Variants in SETD1B observed in about 807,000 individuals in gnomAD.
SETD1B encodes the protein histone-lysine N-methyltransferase SETD1B.
In SETD1B, 7 loss-of-function variants were observed where a neutral mutation model predicts 148.0. That is an observed-to-expected ratio of 0.05 (90% CI 0.03 to 0.09). SETD1B has a LOEUF of 0.09. Among genes scored for constraint, SETD1B ranks in the 10% least tolerant of loss-of-function variants. The pLI is 1.00. For synonymous variants in SETD1B, 1,361 were observed against 1,186.5 expected (o/e 1.15, Z -3.02); for missense variants, 2,155 against 2,729.9 (o/e 0.79, Z 4.69).
rs1876341759 is a variant in SETD1B at position 121,817,388 on chromosome 12, A to T, written c.2996A>T (p.Asp999Val). Residue 999 changes from aspartate (D) to valine (V), a missense_variant, in exon 9 of 17, where the codon GAC (aspartate) becomes GTC (valine). Coordinates refer to ENST00000604567, the MANE Select transcript of SETD1B (RefSeq NM_001353345.2). The surrounding 1 kb of genome is among the most constrained non-coding windows in gnomAD (Gnocchi z 8.1). ...CCTGCAGAGTCCGAGCGAGAGCGAG[A>T]CCGGGATATGGCAGACACCCCCTGT... The part of the protein sequence containing the change: ...EEDEESERER[D>V]RDMADTPCEL... The T allele has an allele frequency of 2.0e-6, 3 of 1,527,506 alleles. No individual in the cohort carries two copies. The highest frequency in any genetic ancestry group is 2.6e-6 in the Non-Finnish European group (3 of 1,132,114). 94.6% of individuals were successfully genotyped at this position (1,527,506 alleles called of 1,614,324 possible). A position where few individuals can be genotyped will look rare whatever the true frequency, so the allele number is the denominator to read the frequency against.
intron 13 of SETD1B, 142 bp downstream of exon 13, chr12:121,825,508 G>A: frequency 1.7e-6 from 1 of 587,332 alleles, no homozygotes; most frequent in Non-Finnish European, 2.9e-6. Flanking sequence ...TGGAAGGGGA[G>A]AGGCGGGTGG....
upstream of SETD1B, chr12:121,802,596 T>A (rs1434659804): frequency 6.6e-6 from 1 of 151,730 alleles, no homozygotes; most frequent in Non-Finnish European, 1.5e-5. Context: ...CACCCACCCA[T>A]AGAACAAAAA....
intron 11 of SETD1B, 134 bp from the exon 12 acceptor site, chr12:121,822,356 G>C: frequency 9.4e-7 from 1 of 1,063,034 alleles, no homozygotes; most frequent in South Asian, 1.7e-5. Flanking sequence ...TCCTTGAGGG[G>C]TTTAGCTGGA....
chr12:121,792,846 A>G, the SETD1B span, among the ~76,000 whole-genome samples: 4 of 152,236 alleles, frequency 2.6e-5, no homozygotes, highest in Admixed American at 6.5e-5. Context: ...TCCTGGAACC[A>G]TGGGAGGCCC....
Position 121,817,269 on chromosome 12 carries a change from G to T in SETD1B, c.2952G>T (p.Ser984=). 4 of 1,550,820 alleles carry T rather than the reference G, an allele frequency of 2.6e-6. No homozygotes were observed. The highest frequency in any genetic ancestry group is 3.5e-6 in the Non-Finnish European group (4 of 1,146,888). Residue 984 remains serine (S), a synonymous_variant, in exon 8 of 17, where the codon TCG becomes TCT. Coordinates refer to ENST00000604567, the MANE Select transcript of SETD1B (RefSeq NM_001353345.2). This position sits in a 1 kb window ranked among gnomAD's most constrained non-coding sequence, Gnocchi z 8.1. ...GCGACCAGAAGCGGCTGCGGCCCTC[G>T]ACCTCTGTGGATGAGGAAGATGAAG... ...SSGDQKRLRP[S]TSVDEEDEES... is the part of the protein sequence containing the mutation.
At chr12:121,803,568 C>G (rs1254643128), upstream of SETD1B, 4 of 152,346 alleles carry the variant, frequency 2.6e-5, no homozygotes, top group East Asian at 5.8e-4. This position sits in a 1 kb window ranked among gnomAD's most constrained non-coding sequence, Gnocchi z 4.7. Context: ...CGGCCTCCCC[C>G]CGCGGCTCCC....
rs368348128 is a variant in SETD1B at position 121,810,704 on chromosome 12, G to A, written c.1759G>A (p.Asp587Asn). Residue 587 changes from aspartate to asparagine, a missense_variant, in exon 6 of 17, where the codon GAC becomes AAC. Physicochemically the swap from Asp to Asn is conservative, Grantham distance 23 (BLOSUM62 1). This residue lies in a region of SETD1B where 295 missense variants were observed against 303.8 expected (regional missense o/e 0.97). Transcript: ENST00000604567. This position sits in a 1 kb window ranked among gnomAD's most constrained non-coding sequence, Gnocchi z 7.6. ...LPDSDEDEELDLGLGPRPPPE... is the reference protein window; with the variant it reads ...LPDSDEDEELNLGLGPRPPPE... ...AGACTCCGACGAGGACGAGGAGCTCGACCTGGGCCTTGGGCCTCGGCCTCC... is the reference window on the plus strand; with the variant it reads ...AGACTCCGACGAGGACGAGGAGCTCAACCTGGGCCTTGGGCCTCGGCCTCC... 8.5e-5 allele frequency: 132 copies of A among 1,551,022 alleles called. No individual in the cohort carries two copies. The highest frequency in any genetic ancestry group is 1.7e-4 in the Middle Eastern group (1 of 6,012).
At position 121,814,600 on chromosome 12, in the gene SETD1B, G is replaced by A. The variant is rs1289059964; in HGVS notation, c.2385G>A (p.Pro795=). The part of the protein sequence containing the change: ...LMTGQGACPY[P]PFMAAAAAAA... ...CGGGCCAGGGCGCCTGCCCCTACCC[G>A]CCCTTCATGGCCGCTGCGGCCGCCG... The change falls in exon 7 of 17, where the codon CCG becomes CCA. Residue 795 remains proline (P), a synonymous_variant. Coordinates refer to ENST00000604567, the MANE Select transcript of SETD1B (RefSeq NM_001353345.2). 2.1e-5 allele frequency: 32 copies of A among 1,536,260 alleles called. No homozygotes were observed. The highest frequency in any genetic ancestry group is 5.5e-5 in the African/African-American group (4 of 72,448).
At chr12:121,829,916 G>A (rs977752402) in intron 16 of SETD1B, 150 bp from the exon 17 acceptor site, 18 of 547,784 alleles carry the variant, frequency 3.3e-5, no homozygotes, top group Admixed American at 7.2e-5. Flanking sequence ...CCTGGGGGTC[G>A]GGGGAGCCAA....
At chr12:121,793,036 G>C in the SETD1B span, 2 of 884,644 alleles carry the variant, frequency 2.3e-6, no homozygotes, top group Non-Finnish European at 3.5e-6. Flanking sequence ...GGAGTGAAGA[G>C]CCGGCCAAGG....
chr12:121,797,750 C>T, the SETD1B span: 8 of 369,728 alleles, frequency 2.2e-5, no homozygotes, highest in Non-Finnish European at 3.2e-5. Context: ...CACCCTCGGG[C>T]GGCAGAGGGT....
rs145406090 is a variant in SETD1B at position 121,815,570 on chromosome 12, C to T, written c.2715+640C>T. 4.6e-5 allele frequency among the ~76,000 whole-genome samples: 7 copies of T among 152,148 alleles called. 1 individual carries two copies. The highest frequency in any genetic ancestry group is 2.1e-4 in the South Asian group (1 of 4,822). On this transcript the variant is annotated intron_variant, in intron 7 of 16. Coordinates refer to ENST00000604567, the MANE Select transcript of SETD1B (RefSeq NM_001353345.2). ...TATCGTCCAGGCTGGAGTGTAGTGG[C>T]GCAATCATAGCTCACTGCACCCTCA... is the stretch of plus-strand genomic sequence containing the variant.
rs1875919747 is a variant in SETD1B at position 121,809,692 on chromosome 12, G to A, written c.747G>A (p.Gly249=). The A allele has an allele frequency of 6.4e-7, 1 of 1,551,436 alleles. No homozygotes were observed. The highest frequency in any genetic ancestry group is 1.2e-5 in the South Asian group (1 of 84,066). ...CCTCTGTCACCCCCAATAGCGGTGG[G>A]ACACCCTTCTCCCAGGACACAGCTT... The part of the protein sequence containing the change: ...GSSSVTPNSG[G]TPFSQDTAYS... Residue 249 remains glycine (G), a synonymous_variant, in exon 6 of 17, where the codon GGG becomes GGA. Coordinates refer to ENST00000604567, the MANE Select transcript of SETD1B (RefSeq NM_001353345.2).
At chr12:121,825,124 G>T in intron 12 of SETD1B, 76 bp from the exon 13 acceptor site, 1 of 1,430,018 alleles carries the variant, frequency 7.0e-7, no homozygotes, top group South Asian at 1.3e-5. Context: ...GGTGGTCTGA[G>T]GATGGGCGGG....
chr12:121,827,809 G>A lies in SETD1B; in HGVS notation c.5544G>A (p.Ala1848=), dbSNP rs375850421. The change falls in exon 15 of 17, where the codon GCG becomes GCA. Residue 1848 remains alanine, a synonymous_variant. Transcript: ENST00000604567. ...GCTTGTTCGCCATGGAGCCCATCGC[G>A]GCTGACGAGATGGTCATCGAGTACG... is the stretch of plus-strand genomic sequence containing the variant. ...DWGLFAMEPI[A]ADEMVIEYVG... is the part of the protein sequence containing the mutation. 9.1e-5 allele frequency: 142 copies of A among 1,559,754 alleles called. No homozygotes were observed. In the African/African-American group the frequency reaches 1.8e-3, roughly 20 times the overall value.
chr12:121,828,738 A>G (rs1419082316), intron 16 of SETD1B, among the ~76,000 whole-genome samples: 1 of 152,216 alleles, frequency 6.6e-6, no homozygotes, highest in African/African-American at 2.4e-5. Context: ...ATTGCAGCTT[A>G]GTGAGTTACT....
chr12:121,795,092 C>T, the SETD1B span, among the ~76,000 whole-genome samples: 4 of 152,314 alleles, frequency 2.6e-5, no homozygotes, highest in South Asian at 8.3e-4. Flanking sequence ...AAGGCACGGT[C>T]TGACCACCAG....
upstream of SETD1B, chr12:121,801,692 CTT>C (rs750230292): frequency 2.0e-5 from 3 of 152,342 alleles, no homozygotes; most frequent in Non-Finnish European, 4.4e-5. Context: ...ATGGTGGTGT[CTT>C]TGTTCTTATT....
chr12:121,820,017 A>G, intron 11 of SETD1B, 122 bp downstream of exon 11: 1 of 838,418 alleles, frequency 1.2e-6, no homozygotes, highest in South Asian at 1.7e-5. Context: ...TCCCGTGTAA[A>G]ACGAGATCAG....
Sources: allele counts gnomAD v4.1 joint callset (sites outside exome capture counted in the v4.1 genomes callset), GRCh38; gene constraint gnomAD v4.1.1; regional missense constraint gnomAD v4.1.1; non-coding constraint Gnocchi (gnomAD v3.1); transcripts MANE v1.5; gene names NCBI Gene and HGNC (gene_info 2026-07-23, HGNC 2026-07-21).